Variants in FGGY observed in about 807,000 individuals in gnomAD.
FGGY encodes FGGY carbohydrate kinase domain containing.
FGGY carries 72 observed loss-of-function variants against 71.3 expected under a neutral mutation model. The observed-to-expected ratio is 1.01, with a 90% CI of 0.84 to 1.23. FGGY has a LOEUF of 1.23. FGGY is among the 50% of genes most tolerant of loss of function. FGGY has a pLI of 0.00. For synonymous variants in FGGY, 251 were observed against 250.3 expected, an observed-to-expected ratio of 1.00 and a Z score of -0.02; for missense variants, 668 against 682.3, an observed-to-expected ratio of 0.98 and a Z score of 0.23.
intron 6 of FGGY, among the ~76,000 whole-genome samples, chr1:59,457,582 C>A (rs1233997786): frequency 1.3e-5 from 2 of 152,060 alleles, no homozygotes; most frequent in African/African-American, 2.4e-5. Context: ...CCACTGCATG[C>A]AGCTTGGGCA....
intron 8 of FGGY, among the ~76,000 whole-genome samples, chr1:59,572,084 T>A (rs903152018): frequency 3.3e-5 from 5 of 152,094 alleles, no homozygotes; most frequent in African/African-American, 1.2e-4. Context: ...CATGAGTACT[T>A]AACAGTTTTT....
intron 9 of FGGY, among the ~76,000 whole-genome samples, chr1:59,616,552 C>A (rs151247324): frequency 0.037 from 5,646 of 151,842 alleles, 212 homozygotes; most frequent in African/African-American, 0.099. Flanking sequence ...TAATGGGTGC[C>A]GCACACCAAT....
At chr1:59,606,449 G>A (rs182633875) in intron 8 of FGGY, among the ~76,000 whole-genome samples, 27 of 152,244 alleles carry the variant, frequency 1.8e-4, no homozygotes, top group Admixed American at 4.6e-4. Flanking sequence ...CTCACCTTAC[G>A]GCAGTTACAG....
At chr1:59,636,579 C>T (rs1441823547) in intron 10 of FGGY, among the ~76,000 whole-genome samples, 1 of 151,990 alleles carries the variant, frequency 6.6e-6, no homozygotes, top group East Asian at 1.9e-4. Flanking sequence ...GCCGAGATCG[C>T]GTCACTGCAC....
chr1:59,433,148 C>A (rs146212002), intron 5 of FGGY, among the ~76,000 whole-genome samples: 1,759 of 152,252 alleles, frequency 0.012, 19 homozygotes, highest in Middle Eastern at 0.017. Flanking sequence ...CCAGATAATT[C>A]TTTGTTGTGG....
intron 13 of FGGY, among the ~76,000 whole-genome samples, chr1:59,668,080 T>C (rs1158971327): frequency 6.6e-6 from 1 of 152,108 alleles, no homozygotes; most frequent in East Asian, 1.9e-4. Flanking sequence ...TCAGGGATCA[T>C]AATAGAGATG....
At chr1:59,639,797 G>A (rs1028028479) in intron 11 of FGGY, among the ~76,000 whole-genome samples, 17 of 152,168 alleles carry the variant, frequency 1.1e-4, no homozygotes, top group African/African-American at 3.4e-4. Flanking sequence ...TGACCTAGGA[G>A]CCTTCCCTAG....
intron 7 of FGGY, among the ~76,000 whole-genome samples, chr1:59,514,265 G>C (rs886383281): frequency 6.6e-6 from 1 of 152,134 alleles, no homozygotes; most frequent in African/African-American, 2.4e-5. Context: ...CCCTACCTGG[G>C]TGACAATCAC....
intron 9 of FGGY, among the ~76,000 whole-genome samples, chr1:59,623,433 A>G (rs1018200314): frequency 6.6e-6 from 1 of 152,202 alleles, no homozygotes. Flanking sequence ...ATAGATACAA[A>G]TGCAAAGTGT....
chr1:59,701,141 G>A (rs149607616), intron 14 of FGGY, among the ~76,000 whole-genome samples: 2 of 152,314 alleles, frequency 1.3e-5, no homozygotes, highest in East Asian at 3.9e-4. Flanking sequence ...GGGGACACGT[G>A]CAAGAGAATT....
intron 10 of FGGY, among the ~76,000 whole-genome samples, chr1:59,627,489 T>TATATATATATACACAC (rs1469493501): frequency 3.2e-5 from 3 of 92,780 alleles, no homozygotes; most frequent in East Asian, 2.9e-4. Flanking sequence ...TATATATATA[T>TATATATATATACACAC]ACACACACAC....
chr1:59,464,991 G>T (rs527952522), intron 6 of FGGY, among the ~76,000 whole-genome samples: 3 of 152,300 alleles, frequency 2.0e-5, no homozygotes, highest in East Asian at 1.9e-4. Context: ...GAAAAAGAGG[G>T]TATCCTCCCT....
intron 5 of FGGY, among the ~76,000 whole-genome samples, chr1:59,454,898 G>C (rs1013209757): frequency 1.3e-5 from 2 of 152,228 alleles, no homozygotes; most frequent in Non-Finnish European, 2.9e-5. Context: ...TTAAGTGAGT[G>C]AGTGAATGCA....
In FGGY at chr1:59,448,054, C is replaced by T. The variant is rs138297912; in HGVS notation, c.555-8907C>T. ...CCACCACCTCCTGAACTTTTTGGGT[C>T]TCTGTAGGGTAATCATTTTGCTTCT... On this transcript the variant is annotated intron_variant, in intron 5 of 15. Coordinates refer to ENST00000303721, the MANE Select transcript of FGGY (RefSeq NM_018291.5). Among the ~76,000 whole-genome samples, 80 of 152,148 alleles carry T rather than the reference C, an allele frequency of 5.3e-4. No individual in the cohort carries two copies. The East Asian group carries it at 0.012, about 22-fold the overall frequency.
intron 5 of FGGY, among the ~76,000 whole-genome samples, chr1:59,445,335 T>G (rs2070998485): frequency 6.6e-6 from 1 of 152,194 alleles, no homozygotes; most frequent in Admixed American, 6.5e-5. Flanking sequence ...GCTCTGGCAC[T>G]TGCCTCTGCT....
intron 1 of FGGY, among the ~76,000 whole-genome samples, chr1:59,298,994 G>A (rs2042366733): frequency 6.6e-6 from 1 of 152,204 alleles, no homozygotes; most frequent in Admixed American, 6.5e-5. Flanking sequence ...CTTTCATCCA[G>A]TTTGCTTCAA....
At chr1:59,618,017 A>C (rs543029911) in intron 9 of FGGY, among the ~76,000 whole-genome samples, 1 of 152,246 alleles carries the variant, frequency 6.6e-6, no homozygotes, top group South Asian at 2.1e-4. Context: ...AGTGTAGTAC[A>C]GATTATGGAG....
At chr1:59,304,642 G>C (rs2153083266) in intron 1 of FGGY, among the ~76,000 whole-genome samples, 1 of 151,748 alleles carries the variant, frequency 6.6e-6, no homozygotes, top group South Asian at 2.1e-4. Context: ...CTTTGAATCT[G>C]CAGATCACTT....
intron 7 of FGGY, among the ~76,000 whole-genome samples, chr1:59,525,417 C>A (rs945312196): frequency 6.6e-6 from 1 of 152,182 alleles, no homozygotes; most frequent in Admixed American, 6.5e-5. Context: ...CAAAGTGACA[C>A]CCCGAGGATC....
Sources: gnomAD v4.1 joint callset for allele counts (sites outside exome capture counted in the v4.1 genomes callset) on GRCh38, gnomAD v4.1.1 for gene constraint, MANE v1.5 for transcripts, NCBI Gene and HGNC (gene_info 2026-07-23, HGNC 2026-07-21) for gene names.